The following CFAP299 variants were observed in gnomAD, a reference collection of about 807,000 sequenced individuals.
CFAP299 encodes cilia- and flagella-associated protein 299.
In CFAP299, 21 loss-of-function variants were observed where a neutral mutation model predicts 27.0. The observed-to-expected ratio is 0.78, with a 90% confidence interval of 0.55 to 1.12. The LOEUF is 1.12. CFAP299 is among the 50% of genes most tolerant of loss of function. The pLI, the probability that CFAP299 is intolerant of heterozygous loss-of-function variation, is 0.00. For synonymous variants in CFAP299, 104 were observed against 98.1 expected, an observed-to-expected ratio of 1.06 and a Z score of -0.36; for missense variants, 310 against 276.6, an observed-to-expected ratio of 1.12 and a Z score of -0.86.
chr4:80,851,286 T>C (rs900346946), intron 3 of CFAP299, among the ~76,000 whole-genome samples: 1 of 152,108 alleles, frequency 6.6e-6, no homozygotes, highest in Non-Finnish European at 1.5e-5. Flanking sequence ...AATCATTCTT[T>C]CAACAAATAT....
At chr4:80,579,587 C>CT (rs1277516649) in intron 2 of CFAP299, among the ~76,000 whole-genome samples, 2 of 152,110 alleles carry the variant, frequency 1.3e-5, no homozygotes, top group African/African-American at 4.8e-5. Flanking sequence ...GAGTCCCATC[C>CT]TTACTAGTGA....
At chr4:80,856,521 G>A (rs1029969495) in intron 3 of CFAP299, among the ~76,000 whole-genome samples, 3 of 151,240 alleles carry the variant, frequency 2.0e-5, no homozygotes, top group African/African-American at 7.3e-5. Context: ...TTCTTCTAGG[G>A]TTTTTATGGT....
intron 4 of CFAP299, among the ~76,000 whole-genome samples, chr4:80,888,566 G>A (rs553306015): frequency 3.3e-5 from 5 of 152,024 alleles, no homozygotes; most frequent in Admixed American, 2.0e-4. Flanking sequence ...AGATCTCCCA[G>A]GCAGAAAATC....
intron 2 of CFAP299, among the ~76,000 whole-genome samples, chr4:80,425,362 G>A (rs1350770534): frequency 6.6e-6 from 1 of 152,094 alleles, no homozygotes; most frequent in African/African-American, 2.4e-5. Flanking sequence ...CTTGCTCCTG[G>A]TAATGATTTC....
chr4:80,544,454 C>A (rs562320259), intron 2 of CFAP299, among the ~76,000 whole-genome samples: 1 of 152,230 alleles, frequency 6.6e-6, no homozygotes, highest in Admixed American at 6.5e-5. Flanking sequence ...ACCCAATTGC[C>A]TGCTGTCTTC....
intron 2 of CFAP299, chr4:80,386,711 T>G (rs1874337): frequency 3.8e-6 from 6 of 1,571,098 alleles, no homozygotes; most frequent in Non-Finnish European, 5.2e-6. Context: ...CAGGGCGCAT[T>G]TGTGGAGCTT....
chr4:80,952,499 C>T (rs902569116), intron 5 of CFAP299, among the ~76,000 whole-genome samples: 5 of 151,968 alleles, frequency 3.3e-5, no homozygotes, highest in African/African-American at 9.7e-5. Context: ...AGGGTAACGG[C>T]AATGTGTTAG....
intron 2 of CFAP299, among the ~76,000 whole-genome samples, chr4:80,390,588 T>TATATGTATACACAC (rs1725305935): frequency 9.2e-6 from 1 of 108,994 alleles, no homozygotes; most frequent in Non-Finnish European, 2.0e-5. Context: ...CATATATGTA[T>TATATGTATACACAC]ATATGTATAT....
intron 3 of CFAP299, among the ~76,000 whole-genome samples, chr4:80,732,411 A>G (rs143258589): frequency 2.0e-5 from 3 of 152,306 alleles, no homozygotes; most frequent in Admixed American, 2.0e-4. Flanking sequence ...CAAACACAAA[A>G]GATAGTGCTG....
chr4:80,939,754 A>C (rs1578254241), intron 4 of CFAP299, among the ~76,000 whole-genome samples: 1 of 152,118 alleles, frequency 6.6e-6, no homozygotes, highest in African/African-American at 2.4e-5. Flanking sequence ...AAGCAGTCAC[A>C]TTTTCAAGTC....
intron 3 of CFAP299, among the ~76,000 whole-genome samples, chr4:80,859,906 G>A (rs1302758988): frequency 7.9e-5 from 12 of 151,972 alleles, no homozygotes; most frequent in Non-Finnish European, 1.3e-4. Flanking sequence ...TGCTCTTCTC[G>A]AGGAGTATCT....
intron 2 of CFAP299, among the ~76,000 whole-genome samples, chr4:80,418,061 G>A (rs1417490049): frequency 6.6e-6 from 1 of 152,158 alleles, no homozygotes; most frequent in Non-Finnish European, 1.5e-5. Flanking sequence ...TGTTATAGCA[G>A]CATAAGTGGA....
At chr4:80,542,254 C>A (rs1397993010) in intron 2 of CFAP299, among the ~76,000 whole-genome samples, 1 of 152,142 alleles carries the variant, frequency 6.6e-6, no homozygotes, top group Admixed American at 6.5e-5. Flanking sequence ...AACCCTGCTA[C>A]CAGCTTTTTT....
chr4:80,532,285 C>A (rs1733517359), intron 2 of CFAP299, among the ~76,000 whole-genome samples: 1 of 151,998 alleles, frequency 6.6e-6, no homozygotes, highest in African/African-American at 2.4e-5. Flanking sequence ...GACAAATTAG[C>A]ATGTAGAAGG....
At chr4:80,678,146 C>T (rs905620775) in intron 3 of CFAP299, among the ~76,000 whole-genome samples, 7 of 151,924 alleles carry the variant, frequency 4.6e-5, no homozygotes, top group African/African-American at 1.7e-4. Flanking sequence ...TCATTTTCTT[C>T]TTTTAACTTA....
At chr4:80,823,124 C>G (rs539542062) in intron 3 of CFAP299, among the ~76,000 whole-genome samples, 1 of 152,108 alleles carries the variant, frequency 6.6e-6, no homozygotes, top group East Asian at 1.9e-4. Flanking sequence ...TACTTAGCAC[C>G]TCCTATCTTG....
At chr4:80,882,360 C>T (rs1733744677) in intron 4 of CFAP299, among the ~76,000 whole-genome samples, 1 of 152,034 alleles carries the variant, frequency 6.6e-6, no homozygotes, top group Admixed American at 6.6e-5. Flanking sequence ...TAAGTAAGGC[C>T]GGGCGCAGTG....
At chr4:80,559,541 C>G (rs1192675270) in intron 2 of CFAP299, among the ~76,000 whole-genome samples, 1 of 152,150 alleles carries the variant, frequency 6.6e-6, no homozygotes, top group African/African-American at 2.4e-5. Context: ...CAGTAGCTGT[C>G]TTTAACTTTA....
intron 4 of CFAP299, among the ~76,000 whole-genome samples, chr4:80,926,416 G>C (rs1578243729): frequency 6.6e-6 from 1 of 151,948 alleles, no homozygotes; most frequent in Non-Finnish European, 1.5e-5. Context: ...CAGACCAAAG[G>C]TGACAGGGGT....
Sources: allele counts gnomAD v4.1 joint callset (sites outside exome capture counted in the v4.1 genomes callset), GRCh38; gene constraint gnomAD v4.1.1; transcripts MANE v1.5; gene names NCBI Gene and HGNC (gene_info 2026-07-23, HGNC 2026-07-21).